The following RBL1 variants were observed in gnomAD, a reference collection of about 807,000 sequenced individuals.
RBL1 encodes retinoblastoma-like protein 1.
Under a neutral mutation model 123.0 loss-of-function variants are expected in RBL1, and 82 were observed. The ratio of observed to expected loss-of-function variants is 0.67; its 90% CI spans 0.56 to 0.80. The LOEUF is 0.80. Ranked by LOEUF, RBL1 falls within the 30% of genes least tolerant of loss-of-function variation. RBL1 has a pLI of 0.00. For missense variants in RBL1, 1,171 were observed against 1,299.6 expected, an observed-to-expected ratio of 0.90 and a Z score of 1.52; for synonymous variants, 405 against 441.3, an observed-to-expected ratio of 0.92 and a Z score of 1.03.
At chr20:37,013,285 T>C (rs1266248838) in intron 19 of RBL1, among the ~76,000 whole-genome samples, 1 of 151,828 alleles carries the variant, frequency 6.6e-6, no homozygotes, top group African/African-American at 2.4e-5. Context: ...ATCTGTGACC[T>C]TACCCCCAAC....
chr20:37,070,224 T>C (rs1000572206), intron 2 of RBL1, among the ~76,000 whole-genome samples: 2 of 152,102 alleles, frequency 1.3e-5, no homozygotes, highest in East Asian at 3.9e-4. Flanking sequence ...GTTAAATGGA[T>C]TAAGGGCGGT....
intron 11 of RBL1, among the ~76,000 whole-genome samples, chr20:37,052,658 C>T (rs1300661951): frequency 6.6e-5 from 10 of 152,090 alleles, no homozygotes; most frequent in Admixed American, 3.3e-4. Context: ...TACGGGCATG[C>T]GCCACCACGC....
At chr20:37,067,469 A>G (rs2065197006) in intron 3 of RBL1, among the ~76,000 whole-genome samples, 172 bp from the exon 4 acceptor site, 1 of 152,158 alleles carries the variant, frequency 6.6e-6, no homozygotes. Context: ...CAACCTGCAT[A>G]AAATAATCAG....
At chr20:37,054,057 A>ACACT (rs1302029096) in intron 11 of RBL1, among the ~76,000 whole-genome samples, 2 of 150,418 alleles carry the variant, frequency 1.3e-5, no homozygotes, top group African/African-American at 2.4e-5. Flanking sequence ...ACACACACAC[A>ACACT]CTGTTTTAAT....
intron 6 of RBL1, among the ~76,000 whole-genome samples, 155 bp downstream of exon 6, chr20:37,066,569 A>C (rs1356394777): frequency 6.6e-6 from 1 of 152,228 alleles, no homozygotes; most frequent in Non-Finnish European, 1.5e-5. Flanking sequence ...ACATCACACA[A>C]GATCATAAGG....
Position 36,997,708 on chromosome 20 carries a change from C to T in RBL1, c.*1051G>A, listed in dbSNP as rs2063903346. 6.6e-6 allele frequency: 1 copy of T among 151,934 alleles called. No individual in the cohort carries two copies. Among genetic ancestry groups the T allele is most frequent in the South Asian group, 2.1e-4 (1 of 4,816 alleles). 9.4% of individuals were successfully genotyped at this position (151,934 alleles called of 1,614,324 possible). On this transcript the variant is annotated 3_prime_UTR_variant, in exon 22 of 22. Coordinates refer to ENST00000373664, the MANE Select transcript of RBL1 (RefSeq NM_002895.5). ...ATTTTACTGGCTTCAGAAGCAGCTG[C>T]CTATTTTGAGAACTACATGAGTTAA...
At position 37,022,681 on chromosome 20, in the gene RBL1, A is replaced by G; in HGVS notation, c.2528T>C (p.Leu843Pro). ...DLMKDRHLDQ[L>P]LLCAFYIMAK... is the part of the protein sequence containing the mutation. ...CATGATATAAAAGGCACAAAGGAGGAGCTGATCCAAATGCCTGTCTTTCAT... is the reference window on the plus strand; with the variant it reads ...CATGATATAAAAGGCACAAAGGAGGGGCTGATCCAAATGCCTGTCTTTCAT... The change falls in exon 17 of 22, where the codon CTC becomes CCC. Residue 843 changes from leucine (L) to proline (P), a missense_variant. Physicochemically the swap from Leu to Pro is moderately conservative, Grantham distance 98. Coordinates refer to ENST00000373664, the MANE Select transcript of RBL1 (RefSeq NM_002895.5). 1 of 1,612,880 alleles carries G rather than the reference A, an allele frequency of 6.2e-7. No individual in the cohort carries two copies. Among genetic ancestry groups the G allele is most frequent in the South Asian group, 1.1e-5 (1 of 90,966 alleles).
intron 18 of RBL1, among the ~76,000 whole-genome samples, chr20:37,019,199 G>A (rs894220415): frequency 6.6e-6 from 1 of 152,020 alleles, no homozygotes; most frequent in Non-Finnish European, 1.5e-5. Flanking sequence ...GTGAGCCACT[G>A]CGCCTGGACC....
intron 19 of RBL1, among the ~76,000 whole-genome samples, 171 bp downstream of exon 19, chr20:37,018,108 A>C (rs952610508): frequency 6.6e-6 from 1 of 152,244 alleles, no homozygotes; most frequent in African/African-American, 2.4e-5. Context: ...TAATGGTTTC[A>C]ATAAACTATA....
chr20:37,067,961 A>ATAT (rs1442268184), intron 3 of RBL1, 25 bp downstream of exon 3: 1 of 1,598,706 alleles, frequency 6.3e-7, no homozygotes, highest in African/African-American at 1.4e-5. Context: ...TCTTTATGTC[A>ATAT]ATTATATAAG....
chr20:37,043,162 G>GCGCACACA (rs1555856574), intron 13 of RBL1, among the ~76,000 whole-genome samples: 1 of 147,806 alleles, frequency 6.8e-6, no homozygotes, highest in Non-Finnish European at 1.5e-5. Flanking sequence ...ATGCGCGCGT[G>GCGCACACA]CACACACACA....
chr20:37,066,850 C>T lies in RBL1; in HGVS notation c.720G>A (p.Thr240=), dbSNP rs757809633. 9 of 1,613,340 alleles carry T rather than the reference C, an allele frequency of 5.6e-6. No homozygotes were observed. The highest frequency in any genetic ancestry group is 1.6e-4 in the Middle Eastern group (1 of 6,082). The change falls in exon 6 of 22, where the codon ACG becomes ACA. Residue 240 remains threonine (T), a synonymous_variant. Transcript: ENST00000373664. Reference sequence around the variant, plus strand: ...TGATGCAGGGTGGCTCTTCAGAAGCCGTAAAGTCAGCAGTATGAAAATCAG... The same window carrying T: ...TGATGCAGGGTGGCTCTTCAGAAGCTGTAAAGTCAGCAGTATGAAAATCAG... The part of the protein sequence containing the change: ...LPSDFHTADF[T]ASEEPPCIIA...
At chr20:37,056,117 C>T (rs1401215147) in intron 10 of RBL1, 29 bp downstream of exon 10, 7 of 1,588,924 alleles carry the variant, frequency 4.4e-6, no homozygotes, top group Non-Finnish European at 5.1e-6. Context: ...ATTTTCAATG[C>T]TATGCCAACT....
At chr20:37,001,236 G>C (rs971710624) in intron 21 of RBL1, among the ~76,000 whole-genome samples, 1 of 151,862 alleles carries the variant, frequency 6.6e-6, no homozygotes, top group Non-Finnish European at 1.5e-5. Context: ...CCCTCTGCCC[G>C]GCCACCACCC....
chr20:37,041,034 G>A (rs1246699534), intron 13 of RBL1, among the ~76,000 whole-genome samples: 1 of 152,152 alleles, frequency 6.6e-6, no homozygotes, highest in Non-Finnish European at 1.5e-5. Context: ...GGCCCAATAA[G>A]TTACTGTCTG....
intron 16 of RBL1, 130 bp from the exon 17 acceptor site, chr20:37,022,956 A>G: frequency 1.4e-6 from 1 of 726,140 alleles, no homozygotes; most frequent in Non-Finnish European, 2.2e-6. Flanking sequence ...TTTCTGTTCT[A>G]TAGCACTAGT....
chr20:37,071,143 C>G (rs979189982), intron 2 of RBL1, among the ~76,000 whole-genome samples: 2 of 152,120 alleles, frequency 1.3e-5, no homozygotes, highest in Non-Finnish European at 2.9e-5. Flanking sequence ...GATCCACCTG[C>G]CTCGGCCTCC....
rs768471535 is a variant in RBL1 at position 37,089,045 on chromosome 20, A to G, written c.234T>C (p.Gly78=). The change falls in exon 2 of 22, where the codon GGT becomes GGC. Residue 78 remains glycine, a synonymous_variant. Coordinates refer to ENST00000373664, the MANE Select transcript of RBL1 (RefSeq NM_002895.5). ...RKSIIPTVGK[G]IMEGNCVSLT... ...GTGAAACACAGTTGCCTTCCATGAT[A>G]CCCTTTCCAACCGTGGGAATAATGC... is the stretch of plus-strand genomic sequence containing the variant. 2.5e-6 allele frequency: 4 copies of G among 1,612,644 alleles called. No individual in the cohort carries two copies. The highest frequency in any genetic ancestry group is 3.4e-6 in the Non-Finnish European group (4 of 1,179,204).
intron 21 of RBL1, among the ~76,000 whole-genome samples, chr20:37,000,702 C>T (rs1178991754): frequency 2.8e-4 from 37 of 132,414 alleles, no homozygotes; most frequent in Admixed American, 1.0e-3. Flanking sequence ...CGGCCAGCCG[C>T]CCCGTCCGGG....
Sources: allele counts gnomAD v4.1 joint callset (sites outside exome capture counted in the v4.1 genomes callset), GRCh38; gene constraint gnomAD v4.1.1; transcripts MANE v1.5; gene names NCBI Gene and HGNC (gene_info 2026-07-23, HGNC 2026-07-21).